Variants in NUP42 observed in about 807,000 individuals in gnomAD.
NUP42 encodes nucleoporin 42.
Under a neutral mutation model 35.9 loss-of-function variants are expected in NUP42, and 47 were observed. That is an observed-to-expected ratio of 1.31 (90% CI 1.04 to 1.67). The LOEUF is 1.67. NUP42 is among the 40% of genes most tolerant of loss of function. NUP42 has a pLI of 0.00. For missense variants in NUP42, 514 were observed against 492.2 expected (o/e 1.04, Z -0.42); for synonymous variants, 173 against 173.3 (o/e 1.00, Z 0.01).
chr7:23,189,376 A>T (rs1381378009), intron 3 of NUP42, among the ~76,000 whole-genome samples: 2 of 152,184 alleles, frequency 1.3e-5, no homozygotes, highest in Non-Finnish European at 2.9e-5. Context: ...GTGCTTTGGG[A>T]GGCTGCGGTG....
At chr7:23,186,754 A>G (rs1285831718) in intron 2 of NUP42, among the ~76,000 whole-genome samples, 1 of 152,190 alleles carries the variant, frequency 6.6e-6, no homozygotes, top group Non-Finnish European at 1.5e-5. Context: ...TATCATACCA[A>G]TGATACCATA....
rs577181549 is a variant in NUP42 at position 23,200,618 on chromosome 7, C to T, written c.1145C>T (p.Thr382Ile). The T allele has an allele frequency of 6.2e-6, 10 of 1,614,132 alleles. No homozygotes were observed. Among genetic ancestry groups the T allele is most frequent in the African/African-American group, 1.3e-5 (1 of 75,036 alleles). The change falls in exon 7 of 7, where the codon ACA (threonine) becomes ATA (isoleucine). Residue 382 changes from threonine (T) to isoleucine (I), a missense_variant. Coordinates refer to ENST00000258742, the MANE Select transcript of NUP42 (RefSeq NM_007342.3). The part of the protein sequence containing the change: ...SLSASSSIIA[T>I]DNVLFTPRDK... ...TCAGCCTCAAGCAGCATCATTGCAA[C>T]AGATAATGTGTTATTCACACCCAGA...
intron 1 of NUP42, chr7:23,182,414 G>A (rs889565477): frequency 1.5e-4 from 202 of 1,382,818 alleles, no homozygotes; most frequent in Non-Finnish European, 1.7e-4. Context: ...AGCTTCTGAG[G>A]ACCTGGGTTT....
intron 2 of NUP42, among the ~76,000 whole-genome samples, chr7:23,186,275 C>T (rs577590747): frequency 6.6e-6 from 1 of 152,302 alleles, no homozygotes; most frequent in East Asian, 1.9e-4. Context: ...CTAATTAAAT[C>T]AGAACCAGTT....
Position 23,185,051 on chromosome 7 carries a change from G to C in NUP42, c.122-19G>C. On this transcript the variant is annotated intron_variant, in intron 1 of 6. Coordinates refer to ENST00000258742, the MANE Select transcript of NUP42 (RefSeq NM_007342.3). ...GAAAAGTTGCTAGTAAAATTATTTT[G>C]TTTTATTGTTTATTTTAGGTAATAA... The C allele has an allele frequency of 6.4e-7, 1 of 1,574,208 alleles. No homozygotes were observed. Among genetic ancestry groups the C allele is most frequent in the Non-Finnish European group, 8.7e-7 (1 of 1,155,274 alleles).
chr7:23,199,157 A>G (rs1248785464), intron 5 of NUP42, among the ~76,000 whole-genome samples: 17 of 151,902 alleles, frequency 1.1e-4, no homozygotes, highest in Admixed American at 1.0e-3. Context: ...TTACTTTGTC[A>G]TCCAGGCTTT....
At chr7:23,186,804 A>G (rs1785610407) in intron 2 of NUP42, among the ~76,000 whole-genome samples, 1 of 152,216 alleles carries the variant, frequency 6.6e-6, no homozygotes, top group Non-Finnish European at 1.5e-5. Context: ...ATGTATTAAC[A>G]TTGGTTAATG....
At chr7:23,188,575 C>T (rs964213915) in intron 3 of NUP42, 47 of 971,256 alleles carry the variant, frequency 4.8e-5, no homozygotes, top group African/African-American at 7.0e-5. Flanking sequence ...ATGGGACATC[C>T]GGTTAAATTT....
At position 23,187,053 on chromosome 7, in the gene NUP42, G is replaced by A; in HGVS notation, c.352G>A (p.Glu118Lys). ...TTTTTTTTTTTTTCTTTTTTGCAGG[G>A]AAGGAATTGTAAAAGATATGGAGGT... ...DEQKDEKKLLEGIVKDMEVWE... is the reference protein window; with the variant it reads ...DEQKDEKKLLKGIVKDMEVWE... The change falls in exon 3 of 7, where the codon GAA becomes AAA. Residue 118 changes from glutamate (E) to lysine (K), a missense_variant and splice_region_variant. Glu to Lys is a moderately conservative substitution (Grantham distance 56). Transcript: ENST00000258742. 6.4e-7 allele frequency: 1 copy of A among 1,569,792 alleles called. No individual in the cohort carries two copies. The highest frequency in any genetic ancestry group is 8.6e-7 in the Non-Finnish European group (1 of 1,159,840).
At chr7:23,194,969 T>G in intron 3 of NUP42, 1 of 152,410 alleles carries the variant, frequency 6.6e-6, no homozygotes, top group East Asian at 1.9e-4. Context: ...ACTACAGGCG[T>G]GAGCCACCGT....
chr7:23,195,511 A>G (rs1362212278), intron 3 of NUP42: 1 of 186,718 alleles, frequency 5.4e-6, no homozygotes, highest in Non-Finnish European at 1.1e-5. Flanking sequence ...TTTGCCTTGT[A>G]ATTTTGCTTA....
chr7:23,188,869 C>G (rs1785692968), intron 3 of NUP42, among the ~76,000 whole-genome samples: 1 of 152,166 alleles, frequency 6.6e-6, no homozygotes, highest in South Asian at 2.1e-4. Flanking sequence ...CTACTTGTAT[C>G]TTAGCAAGAA....
intron 4 of NUP42, 123 bp downstream of exon 4, chr7:23,196,038 AT>A: frequency 2.3e-6 from 1 of 431,988 alleles, no homozygotes; most frequent in Non-Finnish European, 4.1e-6. Context: ...GGAGTAGGCT[AT>A]TTTTCTTTTC....
In NUP42 at chr7:23,200,163, T is replaced by G; in HGVS notation, c.695-5T>G. ...TGTTTTTTTTGTTGTTGTTGTTGTT[T>G]GTAGGCTTTCCAGTCAATAACAGCA... On this transcript the variant is annotated splice_region_variant and splice_polypyrimidine_tract_variant and intron_variant, in intron 6 of 6. Coordinates refer to ENST00000258742, the MANE Select transcript of NUP42 (RefSeq NM_007342.3). The G allele has an allele frequency of 1.3e-6, 2 of 1,535,698 alleles. No homozygotes were observed. The highest frequency in any genetic ancestry group is 1.8e-6 in the Non-Finnish European group (2 of 1,138,954).
Position 23,182,141 on chromosome 7 carries a change from G to C in NUP42, c.56G>C (p.Trp19Ser), listed in dbSNP as rs751058589. 6 of 1,614,210 alleles carry C rather than the reference G, an allele frequency of 3.7e-6. No homozygotes were observed. The South Asian group carries it at 6.6e-5, about 18-fold the overall frequency. Residue 19 changes from tryptophan to serine, a missense_variant, in exon 1 of 7, where the codon TGG (tryptophan) becomes TCG (serine). Trp to Ser is a radical substitution (Grantham distance 177, BLOSUM62 -3). Transcript: ENST00000258742. The stretch of plus-strand genomic sequence containing the variant: ...CGGTGCCGCTTTGGAGATCGGTGCT[G>C]GAACGAACATCCCGGTGCTAGGGGT... Reference protein sequence around the residue: ...QGRCRFGDRCWNEHPGARGAG... With the variant: ...QGRCRFGDRCSNEHPGARGAG...
Position 23,183,725 on chromosome 7 carries a change from A to G in NUP42, c.122-1345A>G, listed in dbSNP as rs139411840. 2.0e-3 allele frequency among the ~76,000 whole-genome samples: 305 copies of G among 149,250 alleles called. 1 individual carries two copies. Among genetic ancestry groups the G allele is most frequent in the African/African-American group, 7.1e-3 (288 of 40,512 alleles). ...CCCAGAAACAAATGAATGTTTCTGG[A>G]ATTATAAGTATGAAGACCAAAAGCA... On this transcript the variant is annotated intron_variant, in intron 1 of 6. Transcript: ENST00000258742.
chr7:23,200,087 A>G (rs1786157395), intron 6 of NUP42, 81 bp from the exon 7 acceptor site: 1 of 993,090 alleles, frequency 1.0e-6, no homozygotes, highest in Non-Finnish European at 1.5e-6. Flanking sequence ...AGAAAAAAAG[A>G]TAGGGGGAGG....
In NUP42 at chr7:23,200,623, A is replaced by G. The variant is rs376366312; in HGVS notation, c.1150A>G (p.Asn384Asp). The stretch of plus-strand genomic sequence containing the variant: ...CTCAAGCAGCATCATTGCAACAGAT[A>G]ATGTGTTATTCACACCCAGAGATAA... Reference protein sequence around the residue: ...SASSSIIATDNVLFTPRDKLT... With the variant: ...SASSSIIATDDVLFTPRDKLT... Residue 384 changes from asparagine (N) to aspartate (D), a missense_variant, in exon 7 of 7, where the codon AAT becomes GAT. Transcript: ENST00000258742. 153 of 1,614,018 alleles carry G rather than the reference A, an allele frequency of 9.5e-5. No homozygotes were observed. Among genetic ancestry groups the G allele is most frequent in the Non-Finnish European group, 1.3e-4 (149 of 1,179,990 alleles).
chr7:23,189,417 C>T (rs1458177996), intron 3 of NUP42, among the ~76,000 whole-genome samples: 1 of 149,692 alleles, frequency 6.7e-6, no homozygotes, highest in Non-Finnish European at 1.5e-5. Flanking sequence ...GGGTTTGAGA[C>T]CACCTGGACA....
Sources: allele counts gnomAD v4.1 joint callset (sites outside exome capture counted in the v4.1 genomes callset), GRCh38; gene constraint gnomAD v4.1.1; transcripts MANE v1.5; gene names NCBI Gene and HGNC (gene_info 2026-07-23, HGNC 2026-07-21).